CFAP221: variants seen among roughly 807,000 people sequenced by gnomAD.
CFAP221 encodes cilia- and flagella-associated protein 221.
Under a neutral mutation model 113.1 loss-of-function variants are expected in CFAP221, and 97 were observed. The observed-to-expected ratio is 0.86, with a 90% CI of 0.73 to 1.02. The LOEUF (loss-of-function observed/expected upper bound fraction) is 1.02, where lower values mean the gene tolerates loss of function less well. Ranked by LOEUF, CFAP221 falls within the 50% of genes least tolerant of loss-of-function variation. CFAP221 has a pLI of 0.00. For synonymous variants in CFAP221, 331 were observed against 354.4 expected (o/e 0.93, Z 0.74); for missense variants, 1,025 against 1,013.4 (o/e 1.01, Z -0.16).
intron 19 of CFAP221, among the ~76,000 whole-genome samples, chr2:119,632,700 A>T (rs1382451037): frequency 2.7e-5 from 2 of 74,910 alleles, no homozygotes; most frequent in African/African-American, 1.1e-4. Flanking sequence ...GTCTTTATTT[A>T]CAAAAAAAAA....
Position 119,604,745 on chromosome 2 carries a change from A to G in CFAP221, c.865A>G (p.Ile289Val). 1.3e-6 allele frequency: 2 copies of G among 1,549,724 alleles called. No individual in the cohort carries two copies. The highest frequency in any genetic ancestry group is 1.4e-5 in the African/African-American group (1 of 72,052). The change falls in exon 9 of 24, where the codon ATA (isoleucine) becomes GTA (valine). Residue 289 changes from isoleucine to valine, a missense_variant. Transcript: ENST00000413369. ...TCCTCCAGAAAAAGCAATGATGCAT[A>G]TAAATTTTCACCGACCGCCAGCGAA... Reference protein sequence around the residue: ...NVPPEKAMMHINFHRPPAKPK... With the variant: ...NVPPEKAMMHVNFHRPPAKPK...
At chr2:119,626,446 T>C (rs1435636584) in intron 15 of CFAP221, among the ~76,000 whole-genome samples, 2 of 152,030 alleles carry the variant, frequency 1.3e-5, no homozygotes, top group African/African-American at 2.4e-5. Flanking sequence ...CCATACCAAG[T>C]TGTAATGTCT....
intron 8 of CFAP221, among the ~76,000 whole-genome samples, chr2:119,603,713 C>T (rs1374274650): frequency 6.6e-6 from 1 of 152,058 alleles, no homozygotes; most frequent in East Asian, 1.9e-4. Flanking sequence ...TGGTACTGAA[C>T]AAATAAATTT....
intron 22 of CFAP221, 23 bp from the exon 23 acceptor site, chr2:119,651,951 C>T: frequency 1.3e-6 from 2 of 1,571,236 alleles, no homozygotes; most frequent in Non-Finnish European, 8.7e-7. Flanking sequence ...GCAGTGCCCA[C>T]TAAACATCTT....
intron 6 of CFAP221, among the ~76,000 whole-genome samples, chr2:119,579,484 C>T (rs567454987): frequency 6.6e-6 from 1 of 152,288 alleles, no homozygotes; most frequent in Admixed American, 6.5e-5. Flanking sequence ...TTCATCTGGA[C>T]TGTCTTTGAT....
At chr2:119,654,884 A>G (rs1472792973) in intron 23 of CFAP221, among the ~76,000 whole-genome samples, 3 of 152,128 alleles carry the variant, frequency 2.0e-5, no homozygotes, top group African/African-American at 7.2e-5. Context: ...CCCACAGACC[A>G]TTTTCAAAAG....
In CFAP221 at chr2:119,627,747, T is replaced by G; in HGVS notation, c.1611T>G (p.Ala537=). The change falls in exon 16 of 24, where the codon GCT becomes GCG. Residue 537 remains alanine, a synonymous_variant. Transcript: ENST00000413369. ...CGCCCAAGGAGGTGCTGCCCTTCGC[T>G]TTCCCAGACTGCAGCCCACCCCAGG... The part of the protein sequence containing the change: ...SVSPKEVLPF[A]FPDCSPPQDS... The G allele has an allele frequency of 6.2e-7, 1 of 1,613,890 alleles. No individual in the cohort carries two copies. Among genetic ancestry groups the G allele is most frequent in the Non-Finnish European group, 8.5e-7 (1 of 1,179,960 alleles).
At chr2:119,650,271 A>G (rs1217283339) in intron 22 of CFAP221, among the ~76,000 whole-genome samples, 3 of 152,254 alleles carry the variant, frequency 2.0e-5, no homozygotes, top group Admixed American at 6.5e-5. Flanking sequence ...CCCACATGCA[A>G]TGATACTTGA....
rs543885077 is a variant in CFAP221 at position 119,656,596 on chromosome 2, G to A, written c.*126G>A. On this transcript the variant is annotated 3_prime_UTR_variant, in exon 24 of 24. Coordinates refer to ENST00000413369, the MANE Select transcript of CFAP221 (RefSeq NM_001271049.2). ...GATAAAAAAATGAAATGTAGAGGATGTATATATCTTTTAAGTGATAATTAT... is the reference window on the plus strand; with the variant it reads ...GATAAAAAAATGAAATGTAGAGGATATATATATCTTTTAAGTGATAATTAT... The A allele has an allele frequency of 9.7e-6, 6 of 615,762 alleles. No homozygotes were observed. The African/African-American group carries it at 1.1e-4, about 11-fold the overall frequency. The allele number at this position is 615,762 out of a possible 1,614,324, so 38.1% of individuals were successfully genotyped here.
intron 12 of CFAP221, among the ~76,000 whole-genome samples, chr2:119,609,713 G>A (rs1381268320): frequency 6.6e-6 from 1 of 152,178 alleles, no homozygotes; most frequent in African/African-American, 2.4e-5. Context: ...ATTTCGAAGG[G>A]ACACAATTCA....
At chr2:119,564,745 CCA>C (rs1443409453) in intron 6 of CFAP221, among the ~76,000 whole-genome samples, 1 of 152,198 alleles carries the variant, frequency 6.6e-6, no homozygotes, top group Non-Finnish European at 1.5e-5. Context: ...TATGAATTCA[CCA>C]CAGTTTTTTA....
intron 14 of CFAP221, among the ~76,000 whole-genome samples, chr2:119,620,075 G>A (rs150014225): frequency 0.011 from 1,613 of 152,286 alleles, 21 homozygotes; most frequent in Non-Finnish European, 0.018. Flanking sequence ...AAGCCCCCAA[G>A]AAATGTGGGA....
chr2:119,605,347 T>A, intron 11 of CFAP221, 58 bp downstream of exon 11: 1 of 1,334,878 alleles, frequency 7.5e-7, no homozygotes, highest in Non-Finnish European at 1.1e-6. Context: ...TAGGTGATGA[T>A]CTTTTATAAA....
intron 5 of CFAP221, among the ~76,000 whole-genome samples, chr2:119,560,774 G>A (rs1368755906): frequency 6.6e-6 from 1 of 152,030 alleles, no homozygotes; most frequent in Non-Finnish European, 1.5e-5. Context: ...TGCCGTGAAA[G>A]CATTTCACTT....
intron 6 of CFAP221, chr2:119,572,505 A>G: frequency 1.5e-6 from 1 of 686,588 alleles, no homozygotes; most frequent in Non-Finnish European, 2.7e-6. Context: ...CCATGGTTCT[A>G]AAAAGATTCA....
intron 21 of CFAP221, among the ~76,000 whole-genome samples, chr2:119,646,149 G>C (rs1687788842): frequency 6.6e-6 from 1 of 152,166 alleles, no homozygotes; most frequent in Non-Finnish European, 1.5e-5. Flanking sequence ...AGGAGGTGGG[G>C]AGGAAGATAT....
At position 119,639,793 on chromosome 2, in the gene CFAP221, G is replaced by A. The variant is rs138617532; in HGVS notation, c.2146G>A (p.Gly716Arg). 204 of 1,613,756 alleles carry A rather than the reference G, an allele frequency of 1.3e-4. No individual in the cohort carries two copies. The highest frequency in any genetic ancestry group is 1.2e-3 in the African/African-American group (87 of 74,858). Residue 716 changes from glycine to arginine, a missense_variant, in exon 21 of 24, where the codon GGA becomes AGA. By Grantham distance (125) the Gly-to-Arg change is moderately radical. Transcript: ENST00000413369. Reference sequence around the variant, plus strand: ...ACTTTCCTTACAGGACATTATTCCCGGAATAATGCACTGGAAAAGCTTCCA... The same window carrying A: ...ACTTTCCTTACAGGACATTATTCCCAGAATAATGCACTGGAAAAGCTTCCA... ...QFLHHTDIIP[G>R]IMHWKSFQSL...
intron 6 of CFAP221, among the ~76,000 whole-genome samples, chr2:119,571,125 A>G (rs939041286): frequency 1.3e-5 from 2 of 149,508 alleles, no homozygotes; most frequent in African/African-American, 4.9e-5. Flanking sequence ...AATTAGTATA[A>G]CAACCCCCTT....
chr2:119,635,867 C>T (rs1260707850), intron 19 of CFAP221, among the ~76,000 whole-genome samples: 1 of 152,044 alleles, frequency 6.6e-6, no homozygotes, highest in Non-Finnish European at 1.5e-5. Flanking sequence ...GGGTAGGCTC[C>T]AAGCACTAAC....
Sources: allele counts gnomAD v4.1 joint callset (sites outside exome capture counted in the v4.1 genomes callset), GRCh38; gene constraint gnomAD v4.1.1; transcripts MANE v1.5; gene names NCBI Gene and HGNC (gene_info 2026-07-23, HGNC 2026-07-21).